The following TBC1D8 variants were observed in gnomAD, a reference collection of about 807,000 sequenced individuals.
The protein encoded by TBC1D8 is BUB2-like protein 1.
Under a neutral mutation model 118.8 loss-of-function variants are expected in TBC1D8, and 65 were observed. The ratio of observed to expected loss-of-function variants is 0.55; its 90% CI spans 0.45 to 0.67. TBC1D8 has a LOEUF of 0.67. Ranked by LOEUF, TBC1D8 falls within the 30% of genes least tolerant of loss-of-function variation. The pLI is 0.00. For missense variants in TBC1D8, 1,376 were observed against 1,471.2 expected (o/e 0.94, Z 1.06); for synonymous variants, 566 against 595.8 (o/e 0.95, Z 0.73).
intron 1 of TBC1D8, among the ~76,000 whole-genome samples, chr2:101,149,329 G>C (rs1679449723): frequency 6.6e-6 from 1 of 152,158 alleles, no homozygotes; most frequent in African/African-American, 2.4e-5. Flanking sequence ...AACAGAGTCA[G>C]AAACCCTCTG....
chr2:101,051,448 T>G (rs999324898), intron 4 of TBC1D8, among the ~76,000 whole-genome samples: 1 of 152,044 alleles, frequency 6.6e-6, no homozygotes, highest in African/African-American at 2.4e-5. Context: ...AAGCAAAAAC[T>G]GACAAATGGG....
chr2:101,088,297 CT>C (rs377456816), intron 2 of TBC1D8, among the ~76,000 whole-genome samples: 4 of 149,146 alleles, frequency 2.7e-5, no homozygotes, highest in South Asian at 2.1e-4. Flanking sequence ...TCTCTCTTTT[CT>C]TTTTTTTTTC....
chr2:101,078,714 CAA>C (rs34903828), intron 2 of TBC1D8, among the ~76,000 whole-genome samples: 1 of 80,258 alleles, frequency 1.2e-5, no homozygotes. Flanking sequence ...ATCTTCATAA[CAA>C]AAAAAAAAAA....
chr2:101,041,157 A>T (rs557325149), intron 5 of TBC1D8, among the ~76,000 whole-genome samples: 47 of 152,356 alleles, frequency 3.1e-4, no homozygotes, highest in African/African-American at 1.0e-3. Flanking sequence ...CTAAAAACAG[A>T]CTTAACACTT....
intron 1 of TBC1D8, among the ~76,000 whole-genome samples, chr2:101,102,476 C>T (rs1360953924): frequency 6.6e-6 from 1 of 150,876 alleles, no homozygotes; most frequent in Non-Finnish European, 1.5e-5. Flanking sequence ...AAAAAAATCT[C>T]TTCAAGTATG....
At chr2:101,024,263 G>C (rs1392038509) in intron 15 of TBC1D8, among the ~76,000 whole-genome samples, 1 of 152,202 alleles carries the variant, frequency 6.6e-6, no homozygotes, top group Non-Finnish European at 1.5e-5. Flanking sequence ...CCTCATTAAT[G>C]AGAAAACAAG....
At chr2:101,061,471 G>A (rs559359618) in intron 2 of TBC1D8, among the ~76,000 whole-genome samples, 7 of 152,280 alleles carry the variant, frequency 4.6e-5, no homozygotes, top group Admixed American at 4.6e-4. Flanking sequence ...TAAAACAGTG[G>A]TGCCTATTTT....
intron 5 of TBC1D8, among the ~76,000 whole-genome samples, chr2:101,047,370 G>A (rs1015181021): frequency 4.6e-5 from 7 of 152,196 alleles, no homozygotes; most frequent in African/African-American, 7.2e-5. Context: ...CACCCGGCTC[G>A]TGACCCCAAG....
intron 2 of TBC1D8, among the ~76,000 whole-genome samples, chr2:101,087,351 T>A (rs75518344): frequency 6.6e-6 from 1 of 151,628 alleles, no homozygotes. Context: ...ATACTCTGGA[T>A]TGGGGCCGGA....
chr2:101,022,693 G>A (rs753270705), intron 15 of TBC1D8, among the ~76,000 whole-genome samples, 172 bp from the exon 16 acceptor site: 4 of 152,128 alleles, frequency 2.6e-5, no homozygotes, highest in Non-Finnish European at 4.4e-5. Flanking sequence ...TAATTTTCAC[G>A]TTGGTTTTTT....
chr2:101,075,147 A>G (rs1674724176), intron 2 of TBC1D8, among the ~76,000 whole-genome samples: 1 of 152,194 alleles, frequency 6.6e-6, no homozygotes, highest in Non-Finnish European at 1.5e-5. Flanking sequence ...CTGTAATCCC[A>G]GCACTTTGGG....
chr2:101,016,943 G>A (rs368224294), intron 17 of TBC1D8, among the ~76,000 whole-genome samples: 2 of 151,972 alleles, frequency 1.3e-5, no homozygotes, highest in Admixed American at 1.3e-4. Flanking sequence ...GGGGATGGGG[G>A]AGGGATAGCA....
intron 1 of TBC1D8, among the ~76,000 whole-genome samples, chr2:101,119,278 A>G (rs895682254): frequency 3.3e-5 from 5 of 152,074 alleles, no homozygotes; most frequent in Non-Finnish European, 5.9e-5. Flanking sequence ...TGTCTCCCCA[A>G]CATGAAGCCC....
chr2:101,066,047 C>T (rs1461225426), intron 2 of TBC1D8, among the ~76,000 whole-genome samples: 3 of 151,966 alleles, frequency 2.0e-5, no homozygotes, highest in Admixed American at 6.6e-5. Context: ...TTTGGGAGGC[C>T]GAGGCAGGCA....
At chr2:101,026,481 C>A (rs56397219) in intron 15 of TBC1D8, among the ~76,000 whole-genome samples, 1 of 152,162 alleles carries the variant, frequency 6.6e-6, no homozygotes, top group South Asian at 2.1e-4. Context: ...AACCCAACAA[C>A]CCTGCAGTCA....
chr2:101,045,770 G>A (rs1482016267), intron 5 of TBC1D8, among the ~76,000 whole-genome samples: 1 of 152,136 alleles, frequency 6.6e-6, no homozygotes, highest in Non-Finnish European at 1.5e-5. Context: ...GAGGCGAGAG[G>A]ATCACTTGAG....
At chr2:101,063,568 A>G (rs1316991058) in intron 2 of TBC1D8, among the ~76,000 whole-genome samples, 1 of 152,222 alleles carries the variant, frequency 6.6e-6, no homozygotes, top group African/African-American at 2.4e-5. Context: ...TCCAGACTGT[A>G]ATTTCCTCTG....
intron 17 of TBC1D8, among the ~76,000 whole-genome samples, chr2:101,014,250 C>T (rs763618929): frequency 6.7e-6 from 1 of 149,824 alleles, no homozygotes; most frequent in South Asian, 2.1e-4. Context: ...TTTTCAAAAT[C>T]TTCTGTGGCA....
chr2:101,095,253 T>TTATTATTAG (rs1430589860), intron 1 of TBC1D8, among the ~76,000 whole-genome samples: 3 of 149,508 alleles, frequency 2.0e-5, no homozygotes, highest in African/African-American at 7.4e-5. Context: ...ATTTTCTTTA[T>TTATTATTAG]TATTATTATT....
Sources: gnomAD v4.1 joint callset for allele counts (sites outside exome capture counted in the v4.1 genomes callset) on GRCh38, gnomAD v4.1.1 for gene constraint, MANE v1.5 for transcripts, NCBI Gene and HGNC (gene_info 2026-07-23, HGNC 2026-07-21) for gene names.